BNC2: variants seen among roughly 807,000 people sequenced by gnomAD.
BNC2 encodes the protein basonuclin zinc finger protein 2.
A neutral mutation model predicts 76.3 loss-of-function variants in BNC2; 20 were observed. That is an observed-to-expected ratio of 0.26 (90% CI 0.18 to 0.38). The LOEUF is 0.38. Ranked by LOEUF, BNC2 falls within the 10% of genes least tolerant of loss-of-function variation. BNC2 has a pLI of 1.00. For missense variants in BNC2, 1,382 were observed against 1,399.8 expected (o/e 0.99, Z 0.20); for synonymous variants, 582 against 514.8 (o/e 1.13, Z -1.77).
intron 6 of BNC2, among the ~76,000 whole-genome samples, chr9:16,431,818 A>T (rs1283403145): frequency 6.6e-6 from 1 of 152,172 alleles, no homozygotes; most frequent in Non-Finnish European, 1.5e-5. Context: ...CATAAGGAGT[A>T]CGCAGCCTAG....
At chr9:16,682,591 G>T (rs1308075552) in intron 3 of BNC2, among the ~76,000 whole-genome samples, 1 of 152,046 alleles carries the variant, frequency 6.6e-6, no homozygotes, top group African/African-American at 2.4e-5. Context: ...TAACTTTTAT[G>T]GAAATTTACA....
intron 3 of BNC2, among the ~76,000 whole-genome samples, chr9:16,623,652 T>A (rs1322120108): frequency 6.6e-6 from 1 of 152,230 alleles, no homozygotes; most frequent in East Asian, 1.9e-4. Context: ...ATTTGCTTTT[T>A]AAATATTCCT....
At chr9:16,780,087 T>C (rs993748603) in intron 1 of BNC2, among the ~76,000 whole-genome samples, 3 of 147,574 alleles carry the variant, frequency 2.0e-5, no homozygotes, top group African/African-American at 5.0e-5. Flanking sequence ...ATACAAAAAA[T>C]TAGCCGGGCG....
intron 5 of BNC2, among the ~76,000 whole-genome samples, chr9:16,536,134 T>C (rs905939023): frequency 1.3e-5 from 2 of 152,126 alleles, no homozygotes; most frequent in African/African-American, 4.8e-5. Flanking sequence ...TATACTAATA[T>C]ATGCTTTACT....
intron 1 of BNC2, among the ~76,000 whole-genome samples, chr9:16,788,415 T>G (rs901499427): frequency 6.6e-6 from 1 of 151,618 alleles, no homozygotes; most frequent in South Asian, 2.1e-4. Context: ...TAGCCGGGCG[T>G]GGTGGTAGGC....
chr9:16,597,487 C>G (rs542599609), intron 3 of BNC2, among the ~76,000 whole-genome samples: 4 of 152,178 alleles, frequency 2.6e-5, no homozygotes, highest in African/African-American at 9.6e-5. Context: ...CTGGTAATTA[C>G]AGTAGACTCA....
intron 3 of BNC2, among the ~76,000 whole-genome samples, chr9:16,667,024 T>C (rs887022740): frequency 6.6e-6 from 1 of 151,836 alleles, no homozygotes; most frequent in Middle Eastern, 3.2e-3. Flanking sequence ...GGCTTCCTAT[T>C]TCCACTAAAA....
chr9:16,840,621 C>T (rs1204261364), intron 1 of BNC2, among the ~76,000 whole-genome samples: 1 of 152,098 alleles, frequency 6.6e-6, no homozygotes, highest in Non-Finnish European at 1.5e-5. Flanking sequence ...GACTCAAGAA[C>T]TTAGATGGTA....
intron 3 of BNC2, chr9:16,685,702 G>C (rs1312846646): frequency 1.3e-5 from 13 of 1,034,680 alleles, no homozygotes; most frequent in African/African-American, 1.6e-5. Context: ...ACTTGACCCA[G>C]GCAGAGAGAG....
intron 5 of BNC2, among the ~76,000 whole-genome samples, chr9:16,494,141 T>C (rs988923510): frequency 1.3e-5 from 2 of 152,148 alleles, no homozygotes; most frequent in African/African-American, 4.8e-5. Flanking sequence ...ACGAAATATA[T>C]TAGAAAATAA....
At chr9:16,462,791 C>T (rs947819513) in intron 5 of BNC2, among the ~76,000 whole-genome samples, 1 of 151,840 alleles carries the variant, frequency 6.6e-6, no homozygotes, top group African/African-American at 2.4e-5. Context: ...AAAGAGATGC[C>T]CCTCCCTCTT....
At chr9:16,851,598 T>C (rs927020088) in intron 1 of BNC2, among the ~76,000 whole-genome samples, 1 of 152,204 alleles carries the variant, frequency 6.6e-6, no homozygotes, top group African/African-American at 2.4e-5. Flanking sequence ...GAAAATCACA[T>C]GTAATTATAA....
chr9:16,447,437 C>T (rs1486713171), intron 5 of BNC2, among the ~76,000 whole-genome samples: 1 of 152,102 alleles, frequency 6.6e-6, no homozygotes, highest in African/African-American at 2.4e-5. Flanking sequence ...ATATGAATCA[C>T]TTTAATTAAA....
chr9:16,819,125 C>A (rs538546541), intron 1 of BNC2, among the ~76,000 whole-genome samples: 1 of 152,310 alleles, frequency 6.6e-6, no homozygotes, highest in African/African-American at 2.4e-5. Context: ...CAACCCTCTG[C>A]ATCTGTATTT....
At chr9:16,620,720 C>G (rs1254119953) in intron 3 of BNC2, among the ~76,000 whole-genome samples, 1 of 152,150 alleles carries the variant, frequency 6.6e-6, no homozygotes, top group African/African-American at 2.4e-5. Context: ...AGATTTTAAA[C>G]TACATTTTAA....
intron 1 of BNC2, among the ~76,000 whole-genome samples, chr9:16,819,532 G>C (rs1250883212): frequency 1.3e-5 from 2 of 151,902 alleles, no homozygotes; most frequent in Admixed American, 6.6e-5. Context: ...GTGTGGTGGT[G>C]TGTGCCTGTA....
chr9:16,425,248 C>T (rs146252109), intron 6 of BNC2, among the ~76,000 whole-genome samples: 1 of 152,264 alleles, frequency 6.6e-6, no homozygotes, highest in African/African-American at 2.4e-5. Flanking sequence ...AAGCTCCTAC[C>T]AAACTCTTTA....
rs1308314747 is a variant in BNC2 at position 16,859,664 on chromosome 9, T to C, written c.3+10982A>G. Among the ~76,000 whole-genome samples the C allele has an allele frequency of 2.0e-5, 3 of 152,256 alleles. No homozygotes were observed. The East Asian group carries it at 5.8e-4, about 29-fold the overall frequency. On this transcript the variant is annotated intron_variant, in intron 1 of 6. Coordinates refer to ENST00000380672, the MANE Select transcript of BNC2 (RefSeq NM_017637.6). ...GAGGCATCTAAAGTAGGCAAACTCTTAGAAATAGAAGCTAGAATAGTGGTT... is the reference window on the plus strand; with the variant it reads ...GAGGCATCTAAAGTAGGCAAACTCTCAGAAATAGAAGCTAGAATAGTGGTT...
intron 5 of BNC2, among the ~76,000 whole-genome samples, chr9:16,503,897 G>A (rs1421337525): frequency 6.6e-6 from 1 of 151,972 alleles, no homozygotes; most frequent in Non-Finnish European, 1.5e-5. Flanking sequence ...ACATATTTAT[G>A]GTGATAGTTA....
Sources: gnomAD v4.1 joint callset for allele counts (sites outside exome capture counted in the v4.1 genomes callset) on GRCh38, gnomAD v4.1.1 for gene constraint, MANE v1.5 for transcripts, NCBI Gene and HGNC (gene_info 2026-07-23, HGNC 2026-07-21) for gene names.